The following MEDAG variants were observed in gnomAD, a reference collection of about 807,000 sequenced individuals.
The protein encoded by MEDAG is mesenteric estrogen dependent adipogenesis, also known as mesenteric estrogen-dependent adipogenesis protein.
MEDAG carries 25 observed loss-of-function variants against 29.9 expected under a neutral mutation model. The ratio of observed to expected loss-of-function variants is 0.84; its 90% CI spans 0.61 to 1.17. The LOEUF is 1.17. Ranked by LOEUF, MEDAG falls within the 50% of genes most tolerant of loss-of-function variation. MEDAG has a pLI of 0.00. For missense variants in MEDAG, 398 were observed against 372.9 expected, an observed-to-expected ratio of 1.07 and a Z score of -0.56; for synonymous variants, 158 against 148.2, an observed-to-expected ratio of 1.07 and a Z score of -0.48.
chr13:30,917,851 G>A (rs1463507260), intron 2 of MEDAG, among the ~76,000 whole-genome samples: 1 of 152,114 alleles, frequency 6.6e-6, no homozygotes, highest in African/African-American at 2.4e-5. Flanking sequence ...TCCAACATTG[G>A]GAATTACAGT....
chr13:30,906,532 G>T lies in MEDAG; in HGVS notation c.17G>T (p.Cys6Phe). MAGAACEPVARPSLTS... is the reference protein window; with the variant it reads MAGAAFEPVARPSLTS... The stretch of plus-strand genomic sequence containing the variant: ...GACGCGGGCATGGCGGGGGCGGCCT[G>T]CGAGCCGGTGGCCAGGCCGAGCCTG... The change falls in exon 1 of 5, where the codon TGC becomes TTC. Residue 6 changes from cysteine (C) to phenylalanine (F), a missense_variant. Coordinates refer to ENST00000380482, the MANE Select transcript of MEDAG (RefSeq NM_032849.4). 1.3e-6 allele frequency: 2 copies of T among 1,515,346 alleles called. No homozygotes were observed. The highest frequency in any genetic ancestry group is 1.8e-6 in the Non-Finnish European group (2 of 1,139,674). 93.9% of individuals were successfully genotyped at this position (1,515,346 alleles called of 1,614,324 possible). A position where few individuals can be genotyped will look rare whatever the true frequency, so the allele number is the denominator to read the frequency against.
chr13:30,924,380 A>T lies in MEDAG; in HGVS notation c.857A>T (p.Glu286Val). 2 of 1,614,102 alleles carry T rather than the reference A, an allele frequency of 1.2e-6. No homozygotes were observed. The highest frequency in any genetic ancestry group is 1.7e-6 in the Non-Finnish European group (2 of 1,180,000). The change falls in exon 5 of 5, where the codon GAA (glutamate) becomes GTA (valine). Residue 286 changes from glutamate (E) to valine (V), a missense_variant. Glu to Val is a moderately radical substitution (Grantham distance 121). Transcript: ENST00000380482. ...TCTCTGACAGAGCCTCTTTTGGCAG[A>T]ATTACCATTTCCAAGTGTTCTGGAA... ...RSSLTEPLLA[E>V]LPFPSVLESE...
intron 1 of MEDAG, among the ~76,000 whole-genome samples, chr13:30,907,361 G>C (rs1377500625): frequency 6.6e-6 from 1 of 152,216 alleles, no homozygotes; most frequent in Non-Finnish European, 1.5e-5. Flanking sequence ...AGCTGAGAAG[G>C]GAACAAAGCC....
chr13:30,906,890 C>CACGCGG, intron 1 of MEDAG, 97 bp downstream of exon 1: 3 of 1,252,594 alleles, frequency 2.4e-6, no homozygotes, highest in Non-Finnish European at 3.1e-6. Flanking sequence ...TCCTCGCTGC[C>CACGCGG]TGCGACACCG....
intron 3 of MEDAG, 47 bp from the exon 4 acceptor site, chr13:30,921,514 G>T: frequency 6.6e-7 from 1 of 1,524,522 alleles, no homozygotes; most frequent in South Asian, 1.3e-5. Context: ...AATGTCAACA[G>T]GATACTTATG....
chr13:30,918,950 C>T (rs1952956257), intron 2 of MEDAG, among the ~76,000 whole-genome samples: 1 of 152,176 alleles, frequency 6.6e-6, no homozygotes, highest in Non-Finnish European at 1.5e-5. Context: ...GTATCAAGTA[C>T]ACCTCCTGCA....
intron 1 of MEDAG, chr13:30,916,455 C>T (rs906364988): frequency 1.8e-4 from 27 of 152,284 alleles, no homozygotes; most frequent in Admixed American, 5.2e-4. Context: ...AAAGGCAGCC[C>T]GCGCGCTCAG....
intron 4 of MEDAG, 158 bp downstream of exon 4, chr13:30,922,004 C>A: frequency 1.3e-6 from 1 of 764,210 alleles, no homozygotes; most frequent in Non-Finnish European, 2.0e-6. Context: ...ATGTTTATTA[C>A]CAAAAACAAA....
intron 1 of MEDAG, among the ~76,000 whole-genome samples, chr13:30,910,217 CAT>C (rs1491414843): frequency 2.0e-4 from 30 of 151,712 alleles, no homozygotes; most frequent in African/African-American, 5.8e-4. Flanking sequence ...CACACACACA[CAT>C]GTTTTTTCCT....
chr13:30,923,439 CTCTG>C (rs1953009136), intron 4 of MEDAG, among the ~76,000 whole-genome samples: 1 of 151,908 alleles, frequency 6.6e-6, no homozygotes, highest in Non-Finnish European at 1.5e-5. Context: ...CCATTTCTGT[CTCTG>C]TCTGTTTCTC....
chr13:30,915,018 G>T (rs1593506725), intron 1 of MEDAG, among the ~76,000 whole-genome samples: 1 of 152,298 alleles, frequency 6.6e-6, no homozygotes, highest in Middle Eastern at 3.4e-3. Flanking sequence ...TGGGAAACCT[G>T]CCTCGAATGG....
chr13:30,921,567 T>A lies in MEDAG; in HGVS notation c.508T>A (p.Phe170Ile). ...ATGTTCCTCTCTCTTTCAGTTTGAT[T>A]TTCAAGAGGCAGTGAAGAATTTCTT... ...IGESYRLQFD[F>I]QEAVKNFFPP... The change falls in exon 4 of 5, where the codon TTT becomes ATT. Residue 170 changes from phenylalanine (F) to isoleucine (I), a missense_variant. Physicochemically the swap from Phe to Ile is conservative, Grantham distance 21 (BLOSUM62 0). Transcript: ENST00000380482. 2 of 1,602,628 alleles carry A rather than the reference T, an allele frequency of 1.2e-6. No homozygotes were observed. Among genetic ancestry groups the A allele is most frequent in the Admixed American group, 1.7e-5 (1 of 57,566 alleles).
At chr13:30,909,834 C>A (rs183023877) in intron 1 of MEDAG, among the ~76,000 whole-genome samples, 1 of 152,096 alleles carries the variant, frequency 6.6e-6, no homozygotes, top group Non-Finnish European at 1.5e-5. Context: ...GTTATTCACT[C>A]GCTAAGAGAG....
chr13:30,920,715 A>C (rs1481427755), intron 2 of MEDAG, among the ~76,000 whole-genome samples: 1 of 152,186 alleles, frequency 6.6e-6, no homozygotes, highest in Non-Finnish European at 1.5e-5. Context: ...ATCTGTGATA[A>C]TTATAGAGTG....
intron 4 of MEDAG, 26 bp downstream of exon 4, chr13:30,921,872 G>A: frequency 6.4e-7 from 1 of 1,561,756 alleles, no homozygotes; most frequent in Non-Finnish European, 8.6e-7. Flanking sequence ...CGAAGGATAT[G>A]TGGAAGGTAG....
At chr13:30,907,794 G>A (rs1952844201) in intron 1 of MEDAG, among the ~76,000 whole-genome samples, 1 of 152,266 alleles carries the variant, frequency 6.6e-6, no homozygotes, top group Admixed American at 6.5e-5. Context: ...GTGGCACCCT[G>A]TGGGTAGGAG....
Position 30,924,298 on chromosome 13 carries a change from T to C in MEDAG, c.788-13T>C, listed in dbSNP as rs759034703. 3 of 1,608,916 alleles carry C rather than the reference T, an allele frequency of 1.9e-6. No homozygotes were observed. Among genetic ancestry groups the C allele is most frequent in the South Asian group, 2.2e-5 (2 of 89,852 alleles). On this transcript the variant is annotated splice_polypyrimidine_tract_variant and intron_variant, in intron 4 of 4. Transcript: ENST00000380482. ...TGATGGTAATAATGCATGCTTTGTT[T>C]ACTGTTTTTTAGGTTCAATAGATGA...
chr13:30,910,814 G>A (rs542538623), intron 1 of MEDAG, among the ~76,000 whole-genome samples: 2 of 152,354 alleles, frequency 1.3e-5, no homozygotes, highest in East Asian at 3.9e-4. Context: ...GAACACACTT[G>A]GAAGTTTACT....
intron 4 of MEDAG, 131 bp downstream of exon 4, chr13:30,921,977 A>G (rs1952991919): frequency 9.7e-7 from 1 of 1,032,800 alleles, no homozygotes; most frequent in Non-Finnish European, 1.4e-6. Context: ...CAAAATTCAG[A>G]AAGTAAGAAG....
Sources: gnomAD v4.1 joint callset for allele counts (sites outside exome capture counted in the v4.1 genomes callset) on GRCh38, gnomAD v4.1.1 for gene constraint, MANE v1.5 for transcripts, NCBI Gene and HGNC (gene_info 2026-07-23, HGNC 2026-07-21) for gene names.